The following HIBADH variants were observed in gnomAD, a reference collection of about 807,000 sequenced individuals.
HIBADH encodes 3-hydroxyisobutyrate dehydrogenase, also known as 3-hydroxyisobutyrate dehydrogenase, mitochondrial.
Under a neutral mutation model 36.1 loss-of-function variants are expected in HIBADH, and 25 were observed. The observed-to-expected ratio is 0.69, with a 90% confidence interval of 0.50 to 0.97. The LOEUF is 0.97. Among genes scored for constraint, HIBADH ranks in the 50% least tolerant of loss-of-function variants. The pLI, the probability that HIBADH is intolerant of heterozygous loss-of-function variation, is 0.00. For missense variants in HIBADH, 421 were observed against 418.0 expected, an observed-to-expected ratio of 1.01 and a Z score of -0.06; for synonymous variants, 160 against 149.5, an observed-to-expected ratio of 1.07 and a Z score of -0.51.
intron 4 of HIBADH, among the ~76,000 whole-genome samples, chr7:27,622,656 G>A (rs1309624221): frequency 1.3e-5 from 2 of 152,096 alleles, no homozygotes; most frequent in East Asian, 3.9e-4. Flanking sequence ...ACTACTATAC[G>A]CTTAAAAAGC....
At chr7:27,574,323 G>GT (rs1255561759) in intron 4 of HIBADH, among the ~76,000 whole-genome samples, 6 of 152,024 alleles carry the variant, frequency 3.9e-5, no homozygotes, top group African/African-American at 1.4e-4. Context: ...CAAAGGATAG[G>GT]ATAGGAGGGG....
At chr7:27,641,723 T>C (rs962998910) in intron 2 of HIBADH, among the ~76,000 whole-genome samples, 1 of 152,206 alleles carries the variant, frequency 6.6e-6, no homozygotes, top group African/African-American at 2.4e-5. Context: ...TCTGATGACA[T>C]GGCCACTGTT....
Position 27,526,002 on chromosome 7 carries a change from T to G in HIBADH, c.*212A>C, listed in dbSNP as rs1021267843. 2 of 352,650 alleles carry G rather than the reference T, an allele frequency of 5.7e-6. No homozygotes were observed. The highest frequency in any genetic ancestry group is 5.1e-6 in the Non-Finnish European group (1 of 197,872). 21.8% of individuals were successfully genotyped at this position (352,650 alleles called of 1,614,324 possible). A position where few individuals can be genotyped will look rare whatever the true frequency, so the allele number is the denominator to read the frequency against. ...GTCAATTAAGCTAGTTAGCAGAGAC[T>G]ATCAGTGGCTTGCAGAAAAAAAATT... On this transcript the variant is annotated 3_prime_UTR_variant, in exon 8 of 8. Coordinates refer to ENST00000265395, the MANE Select transcript of HIBADH (RefSeq NM_152740.4).
chr7:27,537,821 T>C (rs1290313285), intron 6 of HIBADH, among the ~76,000 whole-genome samples: 1 of 152,126 alleles, frequency 6.6e-6, no homozygotes, highest in African/African-American at 2.4e-5. Flanking sequence ...GAGTTATGCA[T>C]ATGAATTGCA....
At chr7:27,623,084 C>T (rs532898246) in intron 4 of HIBADH, among the ~76,000 whole-genome samples, 2 of 152,268 alleles carry the variant, frequency 1.3e-5, no homozygotes, top group African/African-American at 4.8e-5. Flanking sequence ...GAGATTTACA[C>T]CAGGGATATA....
chr7:27,576,495 C>T (rs1784712586), intron 4 of HIBADH, among the ~76,000 whole-genome samples: 1 of 152,132 alleles, frequency 6.6e-6, no homozygotes, highest in Non-Finnish European at 1.5e-5. Context: ...TATTGGCTCT[C>T]CTGACTGTTC....
At chr7:27,610,458 G>A (rs1202140005) in intron 4 of HIBADH, among the ~76,000 whole-genome samples, 2 of 152,074 alleles carry the variant, frequency 1.3e-5, no homozygotes, top group African/African-American at 4.8e-5. Context: ...TACTCAACAC[G>A]ATATTGTTAA....
At chr7:27,658,320 C>A (rs42085) in intron 1 of HIBADH, among the ~76,000 whole-genome samples, 36,668 of 151,984 alleles carry the variant, frequency 0.24, 4,856 homozygotes, top group Non-Finnish European at 0.3. Flanking sequence ...ATCAATCAAC[C>A]AAATACAAAG....
chr7:27,560,813 T>C (rs967169451), intron 4 of HIBADH, among the ~76,000 whole-genome samples: 3 of 152,248 alleles, frequency 2.0e-5, no homozygotes, highest in African/African-American at 7.2e-5. Context: ...TCTTTGGGCA[T>C]ATACCCAGAA....
chr7:27,593,900 A>C (rs1784983323), intron 4 of HIBADH, among the ~76,000 whole-genome samples: 1 of 151,678 alleles, frequency 6.6e-6, no homozygotes, highest in African/African-American at 2.4e-5. Flanking sequence ...ATAAAAGAGA[A>C]GTCAGTTTAC....
At chr7:27,573,881 TAAATA>T (rs1784664625) in intron 4 of HIBADH, among the ~76,000 whole-genome samples, 1 of 152,214 alleles carries the variant, frequency 6.6e-6, no homozygotes, top group East Asian at 1.9e-4. Context: ...TATACTGGGT[TAAATA>T]AAATGTATTC....
chr7:27,604,918 C>G (rs1785193002), intron 4 of HIBADH, among the ~76,000 whole-genome samples: 1 of 152,078 alleles, frequency 6.6e-6, no homozygotes, highest in African/African-American at 2.4e-5. Context: ...TAAGAAGCCT[C>G]AGAAGAGGCA....
At chr7:27,621,895 GGCGGGGAAACAT>G (rs1334554906) in intron 4 of HIBADH, among the ~76,000 whole-genome samples, 3 of 152,128 alleles carry the variant, frequency 2.0e-5, no homozygotes, top group Non-Finnish European at 2.9e-5. Context: ...CGGGTGGGGT[GGCGGGGAAACAT>G]GCTCCTGAAT....
At chr7:27,588,454 G>A (rs76832223) in intron 4 of HIBADH, among the ~76,000 whole-genome samples, 4 of 151,210 alleles carry the variant, frequency 2.6e-5, no homozygotes, top group South Asian at 4.2e-4. Flanking sequence ...TCAGCCTCCC[G>A]AGTAGCTGGA....
chr7:27,649,629 A>G lies in HIBADH; in HGVS notation c.96T>C (p.Cys32=), dbSNP rs1786142061. Residue 32 remains cysteine (C), a synonymous_variant, in exon 2 of 8, where the codon TGT becomes TGC. Transcript: ENST00000265395. ...RPAAGSFAAV[C]SRSVASKTPV... ...GAGTCTTTGAAGCCACTGACCTAGAACACACTGATTTCAATACATTATTTT... is the reference window on the plus strand; with the variant it reads ...GAGTCTTTGAAGCCACTGACCTAGAGCACACTGATTTCAATACATTATTTT... The G allele has an allele frequency of 1.9e-6, 3 of 1,600,984 alleles. No homozygotes were observed. The highest frequency in any genetic ancestry group is 2.6e-6 in the Non-Finnish European group (3 of 1,173,968).
intron 1 of HIBADH, among the ~76,000 whole-genome samples, chr7:27,653,485 CAG>C (rs1251953025): frequency 6.6e-6 from 1 of 152,100 alleles, no homozygotes; most frequent in African/African-American, 2.4e-5. Context: ...CCTGTAATGC[CAG>C]CACTTTGGGA....
At chr7:27,651,185 T>A (rs538986812) in intron 1 of HIBADH, among the ~76,000 whole-genome samples, 1 of 152,220 alleles carries the variant, frequency 6.6e-6, no homozygotes, top group Non-Finnish European at 1.5e-5. Flanking sequence ...TGGAATGAGA[T>A]TTGTTAAAAG....
At chr7:27,557,444 T>A (rs995420827) in intron 4 of HIBADH, among the ~76,000 whole-genome samples, 4 of 152,180 alleles carry the variant, frequency 2.6e-5, no homozygotes, top group African/African-American at 9.7e-5. Flanking sequence ...TAGTTACATA[T>A]TGTCTTAGTC....
At chr7:27,589,336 T>G (rs2128288734) in intron 4 of HIBADH, among the ~76,000 whole-genome samples, 2 of 152,328 alleles carry the variant, frequency 1.3e-5, no homozygotes, top group South Asian at 4.1e-4. Flanking sequence ...TATACATAAG[T>G]AGAAAACGAG....
Sources: gnomAD v4.1 joint callset for allele counts (sites outside exome capture counted in the v4.1 genomes callset) on GRCh38, gnomAD v4.1.1 for gene constraint, MANE v1.5 for transcripts, NCBI Gene and HGNC (gene_info 2026-07-23, HGNC 2026-07-21) for gene names.